The following FANCA variants were observed in gnomAD, a reference collection of about 807,000 sequenced individuals.
FANCA encodes the protein Fanconi anemia group A protein.
In FANCA, 236 loss-of-function variants were observed where a neutral mutation model predicts 194.3. The ratio of observed to expected loss-of-function variants is 1.21; its 90% CI spans 1.09 to 1.35. The LOEUF (loss-of-function observed/expected upper bound fraction) is 1.35. Among genes scored for constraint, FANCA ranks in the 40% most tolerant of loss-of-function variants. FANCA has a pLI of 0.00. For missense variants in FANCA, 2,628 were observed against 1,813.9 expected (o/e 1.45, Z -8.15); for synonymous variants, 1,014 against 715.8 (o/e 1.42, Z -6.65).
intron 1 of FANCA, 102 bp downstream of exon 1, chr16:89,816,435 G>A (rs1177100694): frequency 3.7e-6 from 4 of 1,092,818 alleles, no homozygotes; most frequent in African/African-American, 3.3e-5. Flanking sequence ...CGGCGTCCGG[G>A]GATCCGACCG....
chr16:89,738,907 T>C lies in FANCA; in HGVS notation c.4235A>G (p.Lys1412Arg), dbSNP rs768842673. 1.2e-6 allele frequency: 2 copies of C among 1,614,126 alleles called. No individual in the cohort carries two copies. Among genetic ancestry groups the C allele is most frequent in the African/African-American group, 2.7e-5 (2 of 74,940 alleles). ...FLLQLIPRCP[K>R]KSFSHVAELL... ...CTCTGCCACGTGTGAGAAGCTCTTTTTCGGGCACCGAGGTATTAACTGCAG... is the reference window on the plus strand; with the variant it reads ...CTCTGCCACGTGTGAGAAGCTCTTTCTCGGGCACCGAGGTATTAACTGCAG... The change falls in exon 42 of 43, where the codon AAA becomes AGA. Residue 1412 changes from lysine (K) to arginine (R), a missense_variant. By Grantham distance (26) the Lys-to-Arg change is conservative. Coordinates refer to ENST00000389301, the MANE Select transcript of FANCA (RefSeq NM_000135.4).
intron 26 of FANCA, among the ~76,000 whole-genome samples, chr16:89,767,999 T>C (rs1271285232): frequency 1.3e-5 from 2 of 152,190 alleles, no homozygotes; most frequent in Non-Finnish European, 2.9e-5. Context: ...CCTCGGTTTA[T>C]TTTTTGTTTT....
At position 89,752,178 on chromosome 16, in the gene FANCA, C is replaced by T. The variant is rs202073350; in HGVS notation, c.3026G>A (p.Gly1009Asp). The T allele has an allele frequency of 1.2e-6, 2 of 1,614,166 alleles. No individual in the cohort carries two copies. The highest frequency in any genetic ancestry group is 8.5e-7 in the Non-Finnish European group (1 of 1,180,026). Residue 1009 changes from glycine to aspartate, a missense_variant, in exon 31 of 43, where the codon GGT becomes GAT. Transcript: ENST00000389301. Reference protein sequence around the residue: ...DHSENSDLVFGGRTGNEDIIS... With the variant: ...DHSENSDLVFDGRTGNEDIIS... ...AATATCCTCATTTCCTGTGCGGCCA[C>T]CAAAGACCAAATCAGAATTTTCTGA...
rs747408661 is a variant in FANCA, at chr16:89,795,943, G to C, written c.969C>G (p.Thr323=). The C allele has an allele frequency of 8.1e-6, 13 of 1,613,910 alleles. No homozygotes were observed. Among genetic ancestry groups the C allele is most frequent in the Admixed American group, 6.7e-5 (4 of 59,988 alleles). Residue 323 remains threonine, a synonymous_variant, in exon 11 of 43, where the codon ACC becomes ACG. Coordinates refer to ENST00000389301, the MANE Select transcript of FANCA (RefSeq NM_000135.4). ...TDPLKRFFSH[T]LTQILTHSPV... is the part of the protein sequence containing the mutation. ...GGCTGTGAGTGAGTATCTGAGTCAG[G>C]GTATGACTGAAGAACCTCTTCAGAG...
Position 89,791,424 on chromosome 16 carries a change from C to A in FANCA, c.1338G>T (p.Leu446=), listed in dbSNP as rs1188526169. The change falls in exon 14 of 43, where the codon CTG becomes CTT. Residue 446 remains leucine (L), a synonymous_variant. Transcript: ENST00000389301. ...QAALEGPSAF[L]SYADWFKASF... is the part of the protein sequence containing the mutation. ...TTACCTTGAACCAGTCTGCATATGA[C>A]AGGAACGCAGAGGGGCCCTCCAGTG... The A allele has an allele frequency of 8.1e-6, 13 of 1,613,948 alleles. No homozygotes were observed. The highest frequency in any genetic ancestry group is 1.1e-5 in the Non-Finnish European group (13 of 1,179,978).
chr16:89,746,558 A>G, intron 35 of FANCA, 26 bp downstream of exon 35: 1 of 1,600,756 alleles, frequency 6.2e-7, no homozygotes, highest in Non-Finnish European at 8.6e-7. Flanking sequence ...CCCAAAACAA[A>G]ACACCAAACA....
At chr16:89,793,911 C>T (rs555371040) in intron 11 of FANCA, among the ~76,000 whole-genome samples, 31 of 152,128 alleles carry the variant, frequency 2.0e-4, no homozygotes, top group Non-Finnish European at 4.4e-4. Flanking sequence ...CCACCACGCC[C>T]GGCTAATTTT....
At chr16:89,761,754 G>A (rs565233748) in intron 29 of FANCA, among the ~76,000 whole-genome samples, 195 bp downstream of exon 29, 1 of 152,204 alleles carries the variant, frequency 6.6e-6, no homozygotes, top group East Asian at 1.9e-4. Flanking sequence ...TTCCCAAGTG[G>A]CTGTGATGAC....
At chr16:89,812,459 C>G (rs905414886) in intron 3 of FANCA, among the ~76,000 whole-genome samples, 9 of 150,840 alleles carry the variant, frequency 6.0e-5, no homozygotes, top group African/African-American at 1.9e-4. Context: ...CCAGCCTGAC[C>G]AACATGGTGA....
chr16:89,779,730 G>C, intron 18 of FANCA, 139 bp downstream of exon 18: 1 of 757,200 alleles, frequency 1.3e-6, no homozygotes, highest in East Asian at 2.7e-5. Flanking sequence ...ACTCCAAAGA[G>C]CCCCAGACGC....
intron 14 of FANCA, among the ~76,000 whole-genome samples, chr16:89,790,483 C>A (rs909982468): frequency 6.6e-6 from 1 of 151,062 alleles, no homozygotes; most frequent in Non-Finnish European, 1.5e-5. Context: ...GTAATCCCAG[C>A]ACTTTGGGAG....
intron 36 of FANCA, chr16:89,744,663 C>A: frequency 2.4e-6 from 1 of 409,912 alleles, no homozygotes; most frequent in South Asian, 2.2e-5. Flanking sequence ...CTGGCAGAGG[C>A]TGTTTTTTTT....
In FANCA at chr16:89,767,123, G is replaced by C. The variant is rs748995903; in HGVS notation, c.2601+18C>G. The C allele has an allele frequency of 6.3e-7, 1 of 1,581,364 alleles. No individual in the cohort carries two copies. The highest frequency in any genetic ancestry group is 8.7e-7 in the Non-Finnish European group (1 of 1,150,240). On this transcript the variant is annotated intron_variant, in intron 27 of 42. Transcript: ENST00000389301. Reference sequence around the variant, plus strand: ...AAACGTATGGCAGAATGGAAAAATAGGAAAAGAGTGAACCTACCTTTTTAA... The same window carrying C: ...AAACGTATGGCAGAATGGAAAAATACGAAAAGAGTGAACCTACCTTTTTAA...
intron 14 of FANCA, among the ~76,000 whole-genome samples, chr16:89,789,181 G>A (rs1173725377): frequency 6.6e-6 from 1 of 151,940 alleles, no homozygotes; most frequent in East Asian, 1.9e-4. Context: ...GAGCCTGAGG[G>A]CAGGTGAGAA....
At chr16:89,771,188 G>A (rs1192215418) in intron 23 of FANCA, among the ~76,000 whole-genome samples, 2 of 145,800 alleles carry the variant, frequency 1.4e-5, no homozygotes, top group African/African-American at 2.7e-5. Flanking sequence ...GCCAAGTGCC[G>A]TGGCTTATGC....
At position 89,771,549 on chromosome 16, in the gene FANCA, T is replaced by C; in HGVS notation, c.2151+129A>G. On this transcript the variant is annotated intron_variant, in intron 23 of 42. Transcript: ENST00000389301. ...ACCCTGGTACACCGCTGCCTGGCCCTGGAACATCTGATACGACACTAACTG... is the reference window on the plus strand; with the variant it reads ...ACCCTGGTACACCGCTGCCTGGCCCCGGAACATCTGATACGACACTAACTG... 3 of 1,082,380 alleles carry C rather than the reference T, an allele frequency of 2.8e-6. No homozygotes were observed. In the South Asian group the frequency reaches 4.2e-5, roughly 15 times the overall value. 67.0% of individuals were successfully genotyped at this position (1,082,380 alleles called of 1,614,324 possible).
At chr16:89,798,887 G>A in intron 10 of FANCA, 14 of 1,578,256 alleles carry the variant, frequency 8.9e-6, no homozygotes, top group Non-Finnish European at 1.0e-5. Flanking sequence ...GGAGGTCACA[G>A]TGAGTGGGAC....
rs748351912 is a variant in FANCA at position 89,778,862 on chromosome 16, G to A, written c.1777-12C>T. The A allele has an allele frequency of 1.2e-6, 2 of 1,613,986 alleles. No individual in the cohort carries two copies. The highest frequency in any genetic ancestry group is 1.7e-5 in the Admixed American group (1 of 59,990). On this transcript the variant is annotated splice_polypyrimidine_tract_variant and intron_variant, in intron 19 of 42. Coordinates refer to ENST00000389301, the MANE Select transcript of FANCA (RefSeq NM_000135.4). Reference sequence around the variant, plus strand: ...GGGACTTTGGGGAGCTGTGGGAAGAGAAGAGACCTGTGAGAGACTGACAAG... The same window carrying A: ...GGGACTTTGGGGAGCTGTGGGAAGAAAAGAGACCTGTGAGAGACTGACAAG...
rs1372090949 is a variant in FANCA, at chr16:89,740,013, G to C, written c.3915C>G (p.Leu1305=). Residue 1305 remains leucine (L), a synonymous_variant, in exon 39 of 43, where the codon CTC becomes CTG. Transcript: ENST00000389301. ...LEKRKISWLA[L]FQLTESDLRL... ...TCTTACCACTCTCTGTCAACTGAAAGAGTGCCAGCCAGGATATCTTCCTCT... is the reference window on the plus strand; with the variant it reads ...TCTTACCACTCTCTGTCAACTGAAACAGTGCCAGCCAGGATATCTTCCTCT... 3 of 1,614,172 alleles carry C rather than the reference G, an allele frequency of 1.9e-6. No homozygotes were observed. Among genetic ancestry groups the C allele is most frequent in the East Asian group, 4.5e-5 (2 of 44,886 alleles).
Sources: allele counts gnomAD v4.1 joint callset (sites outside exome capture counted in the v4.1 genomes callset), GRCh38; gene constraint gnomAD v4.1.1; transcripts MANE v1.5; gene names NCBI Gene and HGNC (gene_info 2026-07-23, HGNC 2026-07-21).